The following ITFG1 variants were observed in gnomAD, a reference collection of about 807,000 sequenced individuals.
ITFG1 encodes T-cell immunomodulatory protein.
ITFG1 carries 34 observed loss-of-function variants against 81.8 expected under a neutral mutation model. That is an observed-to-expected ratio of 0.42 (90% CI 0.32 to 0.55). The LOEUF (loss-of-function observed/expected upper bound fraction) is 0.55. Among genes scored for constraint, ITFG1 ranks in the 20% least tolerant of loss-of-function variants. ITFG1 has a pLI of 0.17. For missense variants in ITFG1, 672 were observed against 755.4 expected (o/e 0.89, Z 1.29); for synonymous variants, 285 against 270.6 (o/e 1.05, Z -0.52).
chr16:47,280,668 A>T (rs932498217), intron 10 of ITFG1, among the ~76,000 whole-genome samples: 1 of 152,126 alleles, frequency 6.6e-6, no homozygotes, highest in Non-Finnish European at 1.5e-5. Context: ...GTTTATGCTA[A>T]GGCCCTTAGA....
intron 5 of ITFG1, among the ~76,000 whole-genome samples, chr16:47,434,188 A>G (rs1969133427): frequency 6.6e-6 from 1 of 151,980 alleles, no homozygotes; most frequent in Non-Finnish European, 1.5e-5. Context: ...GCATTACAAG[A>G]AAAGTAAAAA....
chr16:47,368,700 T>C (rs1035288350), intron 7 of ITFG1, among the ~76,000 whole-genome samples: 10 of 150,846 alleles, frequency 6.6e-5, no homozygotes, highest in Non-Finnish European at 1.3e-4. Context: ...CAACTCAATA[T>C]ACTAACTGAA....
intron 5 of ITFG1, among the ~76,000 whole-genome samples, chr16:47,434,820 C>T (rs1295572425): frequency 6.6e-6 from 1 of 152,068 alleles, no homozygotes; most frequent in Non-Finnish European, 1.5e-5. Context: ...ATGTATACAC[C>T]ATGGAATATG....
chr16:47,216,637 G>A (rs972073138), intron 14 of ITFG1, among the ~76,000 whole-genome samples: 3 of 151,900 alleles, frequency 2.0e-5, no homozygotes, highest in Non-Finnish European at 4.4e-5. Context: ...TCTATGAAGT[G>A]AGAATTATTT....
intron 10 of ITFG1, among the ~76,000 whole-genome samples, chr16:47,302,525 C>G (rs1967092479): frequency 6.6e-6 from 1 of 152,182 alleles, no homozygotes; most frequent in Non-Finnish European, 1.5e-5. Flanking sequence ...TTTGGCCGTA[C>G]TTGAGGAGCC....
chr16:47,297,807 T>G (rs1967007059), intron 10 of ITFG1, among the ~76,000 whole-genome samples: 1 of 152,194 alleles, frequency 6.6e-6, no homozygotes, highest in South Asian at 2.1e-4. Context: ...ACTATATTTC[T>G]TGGTGAACTA....
chr16:47,247,879 A>C (rs1456407852), intron 12 of ITFG1, among the ~76,000 whole-genome samples: 2 of 152,162 alleles, frequency 1.3e-5, no homozygotes, highest in African/African-American at 4.8e-5. Flanking sequence ...AAAATTATCT[A>C]GAGAACAAAG....
At chr16:47,369,532 C>T (rs925773166) in intron 7 of ITFG1, among the ~76,000 whole-genome samples, 2 of 152,174 alleles carry the variant, frequency 1.3e-5, no homozygotes, top group African/African-American at 4.8e-5. Flanking sequence ...GTACTTTTTT[C>T]ACAGGATGCC....
chr16:47,187,935 A>C (rs1030508275), intron 14 of ITFG1, among the ~76,000 whole-genome samples: 13 of 152,028 alleles, frequency 8.6e-5, no homozygotes, highest in Non-Finnish European at 1.9e-4. Context: ...AAACAACCAC[A>C]TCAAAAAGTG....
chr16:47,302,339 G>A (rs1318160843), intron 10 of ITFG1, among the ~76,000 whole-genome samples: 1 of 151,302 alleles, frequency 6.6e-6, no homozygotes, highest in African/African-American at 2.4e-5. Context: ...AAGAAGTCCT[G>A]CTGAGGAAAA....
intron 13 of ITFG1, among the ~76,000 whole-genome samples, chr16:47,221,096 A>T (rs1371119727): frequency 3.3e-5 from 5 of 152,176 alleles, no homozygotes; most frequent in Non-Finnish European, 4.4e-5. Flanking sequence ...GAACAGGTTT[A>T]GAGCTCCCCA....
At chr16:47,445,286 G>T (rs545094284) in intron 5 of ITFG1, among the ~76,000 whole-genome samples, 9 of 142,258 alleles carry the variant, frequency 6.3e-5, no homozygotes, top group African/African-American at 2.1e-4. Flanking sequence ...TTTCCCCCAC[G>T]TTTGATATCT....
intron 12 of ITFG1, among the ~76,000 whole-genome samples, chr16:47,239,021 G>A (rs1299674108): frequency 6.6e-6 from 1 of 152,118 alleles, no homozygotes; most frequent in Non-Finnish European, 1.5e-5. Context: ...CTTGACAAAA[G>A]AGGCTCCAGT....
rs1383668377 is a variant in ITFG1 at position 47,250,415 on chromosome 16, C to T, written c.1330+8217G>A. ...ACATATAAATTTGTTAAAATTTTTG[C>T]TAAAGTCAGGAGCAGTTTGATCTTT... On this transcript the variant is annotated intron_variant, in intron 12 of 17. Transcript: ENST00000320640. Among the ~76,000 whole-genome samples the T allele has an allele frequency of 4.6e-5, 7 of 150,954 alleles. No homozygotes were observed. The East Asian group carries it at 1.2e-3, about 25-fold the overall frequency.
chr16:47,455,699 G>A (rs1969442464), intron 2 of ITFG1, among the ~76,000 whole-genome samples: 1 of 149,518 alleles, frequency 6.7e-6, no homozygotes, highest in South Asian at 2.1e-4. Context: ...AACCCAGGAG[G>A]TGGAGATTGC....
intron 8 of ITFG1, 37 bp downstream of exon 8, chr16:47,365,751 G>T: frequency 8.5e-7 from 1 of 1,175,070 alleles, no homozygotes. Context: ...AATTGGAAAG[G>T]CAAAAGCCTT....
chr16:47,182,136 C>G (rs926359665), intron 14 of ITFG1, among the ~76,000 whole-genome samples: 4 of 151,174 alleles, frequency 2.6e-5, no homozygotes, highest in Admixed American at 6.6e-5. Flanking sequence ...TCCTATGACC[C>G]TGTCAAATCC....
At chr16:47,411,925 A>G (rs1485117874) in intron 6 of ITFG1, among the ~76,000 whole-genome samples, 2 of 152,192 alleles carry the variant, frequency 1.3e-5, no homozygotes, top group African/African-American at 4.8e-5. Context: ...AGCAACCTAT[A>G]TTACACCACC....
At chr16:47,184,388 G>T (rs1349715598) in intron 14 of ITFG1, among the ~76,000 whole-genome samples, 3 of 152,112 alleles carry the variant, frequency 2.0e-5, no homozygotes, top group African/African-American at 7.2e-5. Context: ...GAAAGGTCGG[G>T]TTACCCACAA....
Sources: allele counts gnomAD v4.1 joint callset (sites outside exome capture counted in the v4.1 genomes callset), GRCh38; gene constraint gnomAD v4.1.1; transcripts MANE v1.5; gene names NCBI Gene and HGNC (gene_info 2026-07-23, HGNC 2026-07-21).